TMEM50B: variants seen among roughly 807,000 people sequenced by gnomAD.
TMEM50B encodes the protein transmembrane protein 50B.
In TMEM50B, 14 loss-of-function variants were observed where a neutral mutation model predicts 23.4. That is an observed-to-expected ratio of 0.60 (90% CI 0.39 to 0.93). TMEM50B has a LOEUF of 0.93. Ranked by LOEUF, TMEM50B falls within the 40% of genes least tolerant of loss-of-function variation. The pLI, the probability that TMEM50B is intolerant of heterozygous loss-of-function variation, is 0.00. For missense variants in TMEM50B, 159 were observed against 193.0 expected (o/e 0.82, Z 1.04); for synonymous variants, 64 against 62.3 (o/e 1.03, Z -0.13).
At chr21:33,470,785 G>A (rs551042640) in intron 1 of TMEM50B, among the ~76,000 whole-genome samples, 1 of 152,028 alleles carries the variant, frequency 6.6e-6, no homozygotes, top group African/African-American at 2.4e-5. Context: ...AGCTACTCAG[G>A]AGGCCGAAAT....
intron 1 of TMEM50B, among the ~76,000 whole-genome samples, chr21:33,477,782 G>C (rs937596011): frequency 6.6e-6 from 1 of 151,804 alleles, no homozygotes; most frequent in Non-Finnish European, 1.5e-5. Context: ...TTGCACTCCA[G>C]CCTGGGCAAC....
At chr21:33,460,683 A>G in intron 4 of TMEM50B, among the ~76,000 whole-genome samples, 178 bp from the exon 5 acceptor site, 1 of 152,048 alleles carries the variant, frequency 6.6e-6, no homozygotes, top group East Asian at 1.9e-4. Flanking sequence ...AAAAACACTA[A>G]AAGAAGTTAA....
intron 1 of TMEM50B, among the ~76,000 whole-genome samples, chr21:33,475,083 C>T (rs1236034980): frequency 1.3e-5 from 2 of 151,220 alleles, no homozygotes; most frequent in Non-Finnish European, 2.9e-5. Flanking sequence ...CCCACCACCA[C>T]GACCGGCTAA....
intron 4 of TMEM50B, among the ~76,000 whole-genome samples, chr21:33,461,405 C>A (rs1309677702): frequency 6.6e-6 from 1 of 152,102 alleles, no homozygotes; most frequent in Non-Finnish European, 1.5e-5. Flanking sequence ...CAATACTAAG[C>A]AGATCTCCAG....
In TMEM50B at chr21:33,470,469, C is replaced by T. The variant is rs556133549; in HGVS notation, c.-41-1543G>A. 4.0e-4 allele frequency among the ~76,000 whole-genome samples: 58 copies of T among 145,194 alleles called. No homozygotes were observed. The East Asian group carries it at 6.6e-3, about 17-fold the overall frequency. ...AAAATCGGCTAGGCTCGGTGGCTTA[C>T]GCCTGTAATCCCAGCACTTTGGGAG... is the stretch of plus-strand genomic sequence containing the variant. On this transcript the variant is annotated intron_variant, in intron 1 of 6. Transcript: ENST00000542230.
chr21:33,436,544 G>A (rs1010985565), intron 8 of TMEM50B, among the ~76,000 whole-genome samples: 5 of 151,970 alleles, frequency 3.3e-5, no homozygotes, highest in Non-Finnish European at 7.4e-5. Flanking sequence ...CCAACATAGT[G>A]AAACCCTGTC....
chr21:33,436,862 C>A lies in TMEM50B; in HGVS notation c.*2120+2352G>T, dbSNP rs893539360. 5.6e-6 allele frequency: 9 copies of A among 1,613,922 alleles called. No homozygotes were observed. In the East Asian group the frequency reaches 6.7e-5, roughly 12 times the overall value. On this transcript the variant is annotated intron_variant and NMD_transcript_variant, in intron 8 of 8. Transcript: ENST00000420455. ...GACCCAACTCAGCCCATCTTAGAGGCCTTGGACAAGGACAGCTCACCAAAG... is the reference window on the plus strand; with the variant it reads ...GACCCAACTCAGCCCATCTTAGAGGACTTGGACAAGGACAGCTCACCAAAG...
chr21:33,478,646 C>A (rs371218771), intron 1 of TMEM50B, among the ~76,000 whole-genome samples: 7 of 152,182 alleles, frequency 4.6e-5, no homozygotes, highest in African/African-American at 1.7e-4. Flanking sequence ...AAGAAATATA[C>A]GTCCCCACCT....
intron 8 of TMEM50B, chr21:33,436,680 C>CTG (rs1445662608): frequency 1.6e-6 from 1 of 613,590 alleles, no homozygotes; most frequent in Non-Finnish European, 2.8e-6. Flanking sequence ...TGAGATCACA[C>CTG]CACTATACTC....
At chr21:33,459,852 C>T (rs2084202227) in intron 5 of TMEM50B, among the ~76,000 whole-genome samples, 1 of 151,680 alleles carries the variant, frequency 6.6e-6, no homozygotes. Context: ...AGGGAAAGCA[C>T]ATATACTACA....
intron 5 of TMEM50B, among the ~76,000 whole-genome samples, chr21:33,457,026 G>A (rs191191337): frequency 5.8e-4 from 89 of 152,220 alleles, no homozygotes; most frequent in Non-Finnish European, 1.0e-3. Context: ...GGGCCGAGGC[G>A]GGTAGATCAC....
intron 7 of TMEM50B, among the ~76,000 whole-genome samples, chr21:33,440,256 T>C (rs145868648): frequency 6.6e-6 from 1 of 152,268 alleles, no homozygotes; most frequent in African/African-American, 2.4e-5. Context: ...GAAAATTCTA[T>C]GATATTCAAA....
intron 6 of TMEM50B, among the ~76,000 whole-genome samples, chr21:33,453,732 T>C (rs2123421641): frequency 6.6e-6 from 1 of 152,242 alleles, no homozygotes; most frequent in East Asian, 1.9e-4. Context: ...AGTTACTTAA[T>C]GATTTATGGG....
At position 33,438,986 on chromosome 21, in the gene TMEM50B, C is replaced by T. The variant is rs78411461; in HGVS notation, c.*2120+228G>A. 5.3e-5 allele frequency among the ~76,000 whole-genome samples: 8 copies of T among 152,138 alleles called. No individual in the cohort carries two copies. The East Asian group carries it at 1.6e-3, about 30-fold the overall frequency. On this transcript the variant is annotated intron_variant and NMD_transcript_variant, in intron 8 of 8. Coordinates refer to the TMEM50B transcript ENST00000420455. The stretch of plus-strand genomic sequence containing the variant: ...CTCATGATCCACCCACCTTGGTCTC[C>T]CAAAGGGTTGAGATCACAGGCGTGA...
rs879647144 is a variant in TMEM50B at position 33,479,869 on chromosome 21, G to GGC, written c.-75_-74dup. On this transcript the variant is annotated 5_prime_UTR_variant, in exon 1 of 7. Transcript: ENST00000542230. Reference sequence around the variant, plus strand: ...TCCTCAAACGCCCACGCCGACTTCAGGCGCGCGCGCAGGAAGGAGACTGCT... The same window carrying GGC: ...TCCTCAAACGCCCACGCCGACTTCAGGCGCGCGCGCGCAGGAAGGAGACTGCT... 2 of 152,272 alleles carry GGC rather than the reference G, an allele frequency of 1.3e-5. No individual in the cohort carries two copies. The highest frequency in any genetic ancestry group is 2.9e-5 in the Non-Finnish European group (2 of 68,100). The allele number at this position is 152,272 out of a possible 1,614,324, so 9.4% of individuals were successfully genotyped here.
chr21:33,445,056 G>A (rs558651906), downstream of TMEM50B, among the ~76,000 whole-genome samples: 2 of 150,188 alleles, frequency 1.3e-5, no homozygotes, highest in East Asian at 2.0e-4. Context: ...CCTGGGAGGT[G>A]GAGGGTGACA....
intron 7 of TMEM50B, among the ~76,000 whole-genome samples, chr21:33,442,382 G>A (rs1286035449): frequency 6.6e-6 from 1 of 152,138 alleles, no homozygotes; most frequent in Non-Finnish European, 1.5e-5. Flanking sequence ...GGTCAGAGTG[G>A]TTACTTGGGA....
chr21:33,468,682 G>C, intron 2 of TMEM50B, 105 bp downstream of exon 2: 1 of 842,572 alleles, frequency 1.2e-6, no homozygotes, highest in Non-Finnish European at 1.9e-6. Flanking sequence ...AAACAGCAGT[G>C]AAATAAATAG....
Position 33,450,691 on chromosome 21 carries a change from C to A in TMEM50B, c.*127G>T. On this transcript the variant is annotated 3_prime_UTR_variant, in exon 7 of 7. Transcript: ENST00000542230. ...CATAAAACTATTTCAAAACTCAGAA[C>A]ATAAAAATGTAAAGAAACAAAACAT... 2.9e-6 allele frequency: 2 copies of A among 680,630 alleles called. No homozygotes were observed. The highest frequency in any genetic ancestry group is 2.5e-5 in the South Asian group (1 of 39,460). 42.2% of individuals were successfully genotyped at this position (680,630 alleles called of 1,614,324 possible).
Sources: allele counts gnomAD v4.1 joint callset (sites outside exome capture counted in the v4.1 genomes callset), GRCh38; gene constraint gnomAD v4.1.1; transcripts MANE v1.5; gene names NCBI Gene and HGNC (gene_info 2026-07-23, HGNC 2026-07-21).